Variants in ZCWPW2 observed in about 807,000 individuals in gnomAD.
ZCWPW2 encodes the protein zinc finger CW-type PWWP domain protein 2.
A neutral mutation model predicts 46.6 loss-of-function variants in ZCWPW2; 45 were observed. The ratio of observed to expected loss-of-function variants is 0.96; its 90% CI spans 0.76 to 1.24. The LOEUF (loss-of-function observed/expected upper bound fraction) is 1.24, where lower values mean the gene tolerates loss of function less well. Among genes scored for constraint, ZCWPW2 ranks in the 50% most tolerant of loss-of-function variants. The pLI, the probability that ZCWPW2 is intolerant of heterozygous loss-of-function variation, is 0.00. For missense variants in ZCWPW2, 429 were observed against 403.9 expected, an observed-to-expected ratio of 1.06 and a Z score of -0.53; for synonymous variants, 152 against 137.1, an observed-to-expected ratio of 1.11 and a Z score of -0.76.
intron 5 of ZCWPW2, among the ~76,000 whole-genome samples, chr3:28,483,673 G>A (rs1207437539): frequency 6.6e-6 from 1 of 152,016 alleles, no homozygotes; most frequent in Non-Finnish European, 1.5e-5. Flanking sequence ...TCAGAGTTTG[G>A]TAGTTTTTCT....
At chr3:28,430,698 G>A (rs1265419466) in intron 3 of ZCWPW2, among the ~76,000 whole-genome samples, 1 of 152,164 alleles carries the variant, frequency 6.6e-6, no homozygotes, top group East Asian at 1.9e-4. Context: ...GGGACCTTGT[G>A]GGAGGTGATT....
At chr3:28,443,302 A>T (rs1475261360) in intron 4 of ZCWPW2, among the ~76,000 whole-genome samples, 1 of 152,158 alleles carries the variant, frequency 6.6e-6, no homozygotes, top group Non-Finnish European at 1.5e-5. Flanking sequence ...GGACATGTGG[A>T]AGAAAGGTTC....
At chr3:28,366,029 T>G (rs953011293) in intron 1 of ZCWPW2, among the ~76,000 whole-genome samples, 2 of 151,888 alleles carry the variant, frequency 1.3e-5, no homozygotes, top group African/African-American at 4.8e-5. Context: ...CCTATCAGCT[T>G]AAGGAGATTT....
chr3:28,507,962 A>G (rs894842960), intron 6 of ZCWPW2, among the ~76,000 whole-genome samples: 2 of 152,078 alleles, frequency 1.3e-5, no homozygotes. Context: ...TAGTTCATTT[A>G]GTGTTGCTAT....
intron 1 of ZCWPW2, among the ~76,000 whole-genome samples, chr3:28,350,837 T>C (rs1192459896): frequency 2.6e-5 from 4 of 151,936 alleles, no homozygotes; most frequent in Admixed American, 2.6e-4. Context: ...AATGGTTAGA[T>C]AATTGTTAAG....
At chr3:28,375,825 A>G (rs1705484097) in intron 1 of ZCWPW2, among the ~76,000 whole-genome samples, 2 of 150,252 alleles carry the variant, frequency 1.3e-5, no homozygotes, top group South Asian at 2.1e-4. Context: ...CCATTCTTCT[A>G]CTCTCTATGT....
At chr3:28,483,294 A>T (rs530999187) in intron 5 of ZCWPW2, among the ~76,000 whole-genome samples, 2 of 152,098 alleles carry the variant, frequency 1.3e-5, no homozygotes, top group Non-Finnish European at 2.9e-5. Context: ...TCTATTGACT[A>T]TATTTATGTG....
At chr3:28,471,946 AAAAT>A (rs1384062250) in intron 4 of ZCWPW2, among the ~76,000 whole-genome samples, 7 of 152,306 alleles carry the variant, frequency 4.6e-5, no homozygotes, top group Non-Finnish European at 1.0e-4. Context: ...GACAATGTGA[AAAAT>A]AAATAAAACA....
chr3:28,507,159 G>A (rs944116091), intron 6 of ZCWPW2, among the ~76,000 whole-genome samples: 3 of 152,048 alleles, frequency 2.0e-5, no homozygotes, highest in Non-Finnish European at 2.9e-5. Context: ...TTTTATCAAA[G>A]GCTCATACTA....
Position 28,380,958 on chromosome 3 carries a change from ATATATATATATATTTG to A in ZCWPW2, c.-133-9539_-133-9524del. Among the ~76,000 whole-genome samples the A allele has an allele frequency of 9.8e-5, 4 of 40,810 alleles. 1 individual carries two copies. The highest frequency in any genetic ancestry group is 1.8e-4 in the Non-Finnish European group (4 of 22,070). The allele number at this position is 40,810 out of a possible 152,430, so 26.8% of individuals were successfully genotyped here. On this transcript the variant is annotated intron_variant, in intron 1 of 9. Coordinates refer to ENST00000383768, the MANE Select transcript of ZCWPW2 (RefSeq NM_001040432.4). ...GGTATATATATATATATATATATAT[ATATATATATATATTTG>A]GTATATATATATATATATATATTTG... is the stretch of plus-strand genomic sequence containing the variant.
chr3:28,449,086 G>A lies in ZCWPW2; in HGVS notation c.492+13817G>A, dbSNP rs114091978. On this transcript the variant is annotated intron_variant, in intron 4 of 9. Coordinates refer to ENST00000383768, the MANE Select transcript of ZCWPW2 (RefSeq NM_001040432.4). ...AGACAGCCCAGAAATAAATTCTCACGTAAATAGTCAAATTATTCTTGACAG... is the reference window on the plus strand; with the variant it reads ...AGACAGCCCAGAAATAAATTCTCACATAAATAGTCAAATTATTCTTGACAG... Among the ~76,000 whole-genome samples, 340 of 152,184 alleles carry A rather than the reference G, an allele frequency of 2.2e-3. 1 individual carries two copies. Among genetic ancestry groups the A allele is most frequent in the African/African-American group, 7.5e-3 (313 of 41,526 alleles).
intron 2 of ZCWPW2, among the ~76,000 whole-genome samples, chr3:28,406,019 G>A (rs1292825021): frequency 1.3e-5 from 2 of 152,194 alleles, no homozygotes; most frequent in African/African-American, 2.4e-5. Context: ...TTGTGTTCAT[G>A]TTCTAGTGTT....
chr3:28,383,955 A>G (rs1219112689), intron 1 of ZCWPW2, among the ~76,000 whole-genome samples: 2 of 152,132 alleles, frequency 1.3e-5, no homozygotes, highest in Non-Finnish European at 2.9e-5. Context: ...AAAATTTAAT[A>G]TTTCTTCCTT....
chr3:28,400,965 G>T (rs1035599052), intron 2 of ZCWPW2, among the ~76,000 whole-genome samples: 1 of 152,070 alleles, frequency 6.6e-6, no homozygotes, highest in African/African-American at 2.4e-5. Flanking sequence ...GGATCACGAG[G>T]TCAGGAGATC....
At chr3:28,483,192 C>T (rs186659778) in intron 5 of ZCWPW2, among the ~76,000 whole-genome samples, 1 of 152,194 alleles carries the variant, frequency 6.6e-6, no homozygotes, top group Admixed American at 6.6e-5. Context: ...TCTAAATTTA[C>T]TTTTTGTGTG....
chr3:28,382,749 G>T (rs2125711669), intron 1 of ZCWPW2, among the ~76,000 whole-genome samples: 1 of 152,192 alleles, frequency 6.6e-6, no homozygotes, highest in East Asian at 1.9e-4. Flanking sequence ...TCTGTAAAGT[G>T]CCCTTAAGTC....
rs1344488970 is a variant in ZCWPW2 at position 28,348,991 on chromosome 3, G to A, written c.-346G>A. ...GGATGAGCTCTCAGCCGGAAAAGGG[G>A]CTGCCGCTGTCCGCGGGCTCGGCGC... is the stretch of plus-strand genomic sequence containing the variant. On this transcript the variant is annotated 5_prime_UTR_variant, in exon 1 of 10. Coordinates refer to ENST00000383768, the MANE Select transcript of ZCWPW2 (RefSeq NM_001040432.4). 4.1e-6 allele frequency: 4 copies of A among 985,696 alleles called. No individual in the cohort carries two copies. The highest frequency in any genetic ancestry group is 4.8e-6 in the Non-Finnish European group (4 of 830,250). The allele number at this position is 985,696 out of a possible 1,614,324, so 61.1% of individuals were successfully genotyped here.
rs565903885 is a variant in ZCWPW2 at position 28,517,510 on chromosome 3, C to T, written c.784+1889C>T. 4.7e-4 allele frequency among the ~76,000 whole-genome samples: 72 copies of T among 152,206 alleles called. 1 individual carries two copies. In the South Asian group the frequency reaches 0.013, roughly 27 times the overall value. On this transcript the variant is annotated intron_variant, in intron 8 of 9. Coordinates refer to ENST00000383768, the MANE Select transcript of ZCWPW2 (RefSeq NM_001040432.4). ...TGACCAGATTTCATGAGAACTCACT[C>T]ACTATCACCAGGACAGTACCAAGGG...
chr3:28,496,501 A>G (rs1215781221), intron 6 of ZCWPW2, among the ~76,000 whole-genome samples: 1 of 152,038 alleles, frequency 6.6e-6, no homozygotes, highest in Non-Finnish European at 1.5e-5. Flanking sequence ...TGGAACTTTT[A>G]GATATTTTTA....
Sources: gnomAD v4.1 joint callset for allele counts (sites outside exome capture counted in the v4.1 genomes callset) on GRCh38, gnomAD v4.1.1 for gene constraint, MANE v1.5 for transcripts, NCBI Gene and HGNC (gene_info 2026-07-23, HGNC 2026-07-21) for gene names.